The following PKHD1 variants were observed in gnomAD, a reference collection of about 807,000 sequenced individuals.
PKHD1 encodes the protein PKHD1 ciliary IPT domain containing fibrocystin/polyductin.
PKHD1 carries 291 observed loss-of-function variants against 412.0 expected under a neutral mutation model. The ratio of observed to expected loss-of-function variants is 0.71; its 90% CI spans 0.64 to 0.78. PKHD1 has a LOEUF of 0.78. Ranked by LOEUF, PKHD1 falls within the 30% of genes least tolerant of loss-of-function variation. The probability of loss-of-function intolerance (pLI) is 0.00; values close to 1 mark genes in which losing one functional copy is unlikely to be tolerated. For synonymous variants in PKHD1, 1,777 were observed against 1,821.5 expected (o/e 0.98, Z 0.62); for missense variants, 4,825 against 4,950.7 (o/e 0.97, Z 0.76).
chr6:51,655,248 C>G (rs1408546371), intron 61 of PKHD1, among the ~76,000 whole-genome samples: 2 of 152,232 alleles, frequency 1.3e-5, no homozygotes, highest in East Asian at 1.9e-4. Context: ...TAGAAAGATT[C>G]TACTCTTTCA....
intron 33 of PKHD1, among the ~76,000 whole-genome samples, chr6:52,021,505 T>C (rs895147925): frequency 6.6e-6 from 1 of 152,218 alleles, no homozygotes; most frequent in East Asian, 1.9e-4. Flanking sequence ...TTTCTGTTTA[T>C]GCTATCTCTC....
At chr6:51,794,180 G>A (rs975686412) in intron 52 of PKHD1, among the ~76,000 whole-genome samples, 2 of 151,722 alleles carry the variant, frequency 1.3e-5, no homozygotes, top group Non-Finnish European at 2.9e-5. Flanking sequence ...GGGACTACAG[G>A]TGTCCGCCAC....
At chr6:52,007,924 C>T (rs1012554709) in intron 35 of PKHD1, among the ~76,000 whole-genome samples, 11 of 152,158 alleles carry the variant, frequency 7.2e-5, no homozygotes, top group African/African-American at 2.2e-4. Flanking sequence ...TGGAGCTAAA[C>T]GCAGCCATAA....
At chr6:51,850,189 C>T (rs568162860) in intron 49 of PKHD1, among the ~76,000 whole-genome samples, 7 of 152,144 alleles carry the variant, frequency 4.6e-5, no homozygotes, top group East Asian at 1.9e-4. Flanking sequence ...GGTTTGTCAA[C>T]GATCTGATGG....
At chr6:52,060,093 T>C in intron 14 of PKHD1, 51 bp from the exon 15 acceptor site, 2 of 979,192 alleles carry the variant, frequency 2.0e-6, no homozygotes, top group Admixed American at 1.7e-5. Context: ...CCTGAATCAC[T>C]GAACCAACAA....
chr6:52,006,652 C>T (rs1172472977), intron 35 of PKHD1, among the ~76,000 whole-genome samples: 1 of 152,174 alleles, frequency 6.6e-6, no homozygotes, highest in African/African-American at 2.4e-5. Flanking sequence ...GCTGGGATTA[C>T]AGGCATGAGC....
At chr6:51,900,097 G>T (rs550286096) in intron 43 of PKHD1, among the ~76,000 whole-genome samples, 3 of 151,888 alleles carry the variant, frequency 2.0e-5, no homozygotes, top group Non-Finnish European at 1.5e-5. Context: ...ACTGCCCAAG[G>T]TAATTTACAG....
intron 65 of PKHD1, among the ~76,000 whole-genome samples, chr6:51,632,148 T>G (rs896905917): frequency 6.6e-6 from 1 of 152,014 alleles, no homozygotes; most frequent in Non-Finnish European, 1.5e-5. Flanking sequence ...TTCACCATGT[T>G]GGCCAGGCTG....
At chr6:51,748,767 T>C (rs1189209244) in intron 57 of PKHD1, 102 bp from the exon 58 acceptor site, 1 of 943,674 alleles carries the variant, frequency 1.1e-6, no homozygotes, top group African/African-American at 1.6e-5. Flanking sequence ...TTAATGAAAA[T>C]GTAAGTTTAT....
chr6:51,792,826 G>A (rs550866109), intron 52 of PKHD1, among the ~76,000 whole-genome samples: 1 of 152,228 alleles, frequency 6.6e-6, no homozygotes, highest in South Asian at 2.1e-4. Context: ...TCTCCCTGGG[G>A]AAACAACCTC....
At chr6:51,802,270 C>A (rs1249580176) in intron 52 of PKHD1, among the ~76,000 whole-genome samples, 1 of 149,380 alleles carries the variant, frequency 6.7e-6, no homozygotes, top group African/African-American at 2.6e-5. Context: ...AAACAAAAAA[C>A]CTAGACCTTG....
chr6:51,997,168 CCTAGAAG>C (rs1400514794), intron 35 of PKHD1, among the ~76,000 whole-genome samples: 1 of 152,166 alleles, frequency 6.6e-6, no homozygotes, highest in Admixed American at 6.5e-5. Flanking sequence ...AGCAAGTAGG[CCTAGAAG>C]CTACTGACAA....
intron 52 of PKHD1, among the ~76,000 whole-genome samples, chr6:51,796,039 G>A (rs1794538468): frequency 6.6e-6 from 1 of 152,128 alleles, no homozygotes; most frequent in African/African-American, 2.4e-5. Flanking sequence ...AGATAGGGAG[G>A]AGTCCTTCCT....
intron 52 of PKHD1, among the ~76,000 whole-genome samples, chr6:51,814,576 T>C (rs1765167068): frequency 6.6e-6 from 1 of 152,176 alleles, no homozygotes; most frequent in Non-Finnish European, 1.5e-5. Flanking sequence ...GGCACCTTGA[T>C]GCTGAGCCAC....
At chr6:51,794,720 T>C (rs1794321587) in intron 52 of PKHD1, among the ~76,000 whole-genome samples, 1 of 152,192 alleles carries the variant, frequency 6.6e-6, no homozygotes. Flanking sequence ...AGGGGCCTAG[T>C]TTCAGTTTTT....
intron 27 of PKHD1, among the ~76,000 whole-genome samples, chr6:52,039,268 C>T (rs977694637): frequency 9.2e-5 from 14 of 152,174 alleles, no homozygotes; most frequent in African/African-American, 1.9e-4. Context: ...TTTGGCTCTG[C>T]GTCCTCACCC....
intron 35 of PKHD1, among the ~76,000 whole-genome samples, chr6:52,007,324 C>T (rs1474164346): frequency 1.3e-5 from 2 of 152,130 alleles, no homozygotes; most frequent in Non-Finnish European, 2.9e-5. Flanking sequence ...AGAAATGTTT[C>T]CTTTTCTAGT....
chr6:52,043,057 T>C lies in PKHD1; in HGVS notation c.2899A>G (p.Asn967Asp). The C allele has an allele frequency of 6.2e-7, 1 of 1,614,004 alleles. No homozygotes were observed. The highest frequency in any genetic ancestry group is 8.5e-7 in the Non-Finnish European group (1 of 1,179,882). ...AAAATAACTTTGCAACTCGTTTTGT[T>C]CACTGTAACCTGCAAGAACTGGGAG... ...GDSQFLQVTV[N>D]KTSCKVIFSN... The change falls in exon 27 of 67, where the codon AAC becomes GAC. Residue 967 changes from asparagine to aspartate, a missense_variant. By Grantham distance (23) the Asn-to-Asp change is conservative (BLOSUM62 1). Transcript: ENST00000371117.
At chr6:51,714,236 G>A (rs1470320500) in intron 60 of PKHD1, among the ~76,000 whole-genome samples, 1 of 152,112 alleles carries the variant, frequency 6.6e-6, no homozygotes, top group East Asian at 1.9e-4. Flanking sequence ...CAGGTGTGGT[G>A]GCACACGCCA....
Sources: allele counts gnomAD v4.1 joint callset (sites outside exome capture counted in the v4.1 genomes callset), GRCh38; gene constraint gnomAD v4.1.1; transcripts MANE v1.5; gene names NCBI Gene and HGNC (gene_info 2026-07-23, HGNC 2026-07-21).